The following ZNF469 variants were observed in gnomAD, a reference collection of about 807,000 sequenced individuals.
The protein encoded by ZNF469 is zinc finger protein 469.
In ZNF469, 1 loss-of-function variant was observed where a neutral mutation model predicts 1.0. The ratio of observed to expected loss-of-function variants is 1.00; its 90% confidence interval spans 0.35 to 4.73. The LOEUF (loss-of-function observed/expected upper bound fraction) is 4.73, where lower values mean the gene tolerates loss of function less well. ZNF469 is among the 30% of genes most tolerant of loss of function. The pLI, the probability that ZNF469 is intolerant of heterozygous loss-of-function variation, is 0.16. For missense variants in ZNF469, 6,100 were observed against 5,356.3 expected, an observed-to-expected ratio of 1.14 and a Z score of -4.33; for synonymous variants, 2,703 against 2,363.4, an observed-to-expected ratio of 1.14 and a Z score of -4.17.
intron 1 of ZNF469, among the ~76,000 whole-genome samples, chr16:88,411,136 G>A (rs1905149198): frequency 6.6e-6 from 1 of 152,222 alleles, no homozygotes; most frequent in African/African-American, 2.4e-5. Flanking sequence ...CACATTCGTA[G>A]GTGCTGGGGT....
the ZNF469 span, among the ~76,000 whole-genome samples, chr16:88,356,145 C>T: frequency 4.7e-4 from 72 of 152,260 alleles, no homozygotes; most frequent in African/African-American, 1.4e-3. Context: ...AAATCACACC[C>T]GTACCCTCCA....
At chr16:88,222,828 G>T in the ZNF469 span, among the ~76,000 whole-genome samples, 2 of 151,944 alleles carry the variant, frequency 1.3e-5, no homozygotes, top group African/African-American at 4.8e-5. Flanking sequence ...TGAACTCCTG[G>T]CCTCAAACGA....
the ZNF469 span, among the ~76,000 whole-genome samples, chr16:88,374,735 CTCGGCGCCGTGTGCTGTGGGCTGAGA>C: frequency 6.6e-6 from 1 of 152,126 alleles, no homozygotes; most frequent in Non-Finnish European, 1.5e-5. Flanking sequence ...GTGGGCTGAG[CTCGGCGCCGTGTGCTGTGGGCTGAGA>C]TCGGCGCCGT....
chr16:88,232,840 C>T, the ZNF469 span, among the ~76,000 whole-genome samples: 4 of 152,392 alleles, frequency 2.6e-5, no homozygotes, highest in Admixed American at 2.6e-4. Flanking sequence ...ACATTCGGAG[C>T]TGCTCCTCAG....
the ZNF469 span, among the ~76,000 whole-genome samples, chr16:88,159,857 G>C: frequency 2.0e-5 from 3 of 152,136 alleles, no homozygotes; most frequent in African/African-American, 7.2e-5. Flanking sequence ...GGTCCCTGAG[G>C]GATAAGAGAG....
chr16:88,343,391 C>T, the ZNF469 span, among the ~76,000 whole-genome samples: 1 of 152,220 alleles, frequency 6.6e-6, no homozygotes, highest in African/African-American at 2.4e-5. Flanking sequence ...AAACAATGTA[C>T]ATAGACGCTT....
chr16:88,411,478 AGGCAGGGGTGCGAGCG>A (rs1214196190), intron 1 of ZNF469, among the ~76,000 whole-genome samples: 1 of 4,510 alleles, frequency 2.2e-4, no homozygotes, highest in African/African-American at 3.6e-4. Context: ...GGGTGCAAGC[AGGCAGGGGTGCGAGCG>A]GGCAGGGGTG....
chr16:88,123,632 G>A, the ZNF469 span, among the ~76,000 whole-genome samples: 7 of 152,090 alleles, frequency 4.6e-5, no homozygotes, highest in South Asian at 2.1e-4. Context: ...TATCAGCAGC[G>A]CCAAACCCTT....
the ZNF469 span, among the ~76,000 whole-genome samples, chr16:88,322,958 A>G: frequency 6.6e-6 from 1 of 152,198 alleles, no homozygotes; most frequent in Non-Finnish European, 1.5e-5. Context: ...TGTCTCTCCC[A>G]AGATTGGAGA....
the ZNF469 span, among the ~76,000 whole-genome samples, chr16:88,134,364 C>T: frequency 2.0e-5 from 3 of 152,174 alleles, no homozygotes; most frequent in South Asian, 6.2e-4. Context: ...GTGCTGGAAC[C>T]ATGTGCTGGG....
At chr16:88,341,174 G>A in the ZNF469 span, among the ~76,000 whole-genome samples, 1 of 152,208 alleles carries the variant, frequency 6.6e-6, no homozygotes, top group East Asian at 1.9e-4. Context: ...TCCTGTAAAT[G>A]TGTAGAAGCC....
At chr16:88,421,262 C>T (rs1905448525) in intron 1 of ZNF469, among the ~76,000 whole-genome samples, 2 of 152,206 alleles carry the variant, frequency 1.3e-5, no homozygotes, top group African/African-American at 2.4e-5. Flanking sequence ...GTTACCAGAG[C>T]GCTTGGCCGG....
At chr16:88,236,972 G>C in the ZNF469 span, among the ~76,000 whole-genome samples, 1 of 151,744 alleles carries the variant, frequency 6.6e-6, no homozygotes, top group African/African-American at 2.4e-5. Flanking sequence ...GCAGCTTTAG[G>C]TTTCAGAAAA....
the ZNF469 span, among the ~76,000 whole-genome samples, chr16:88,138,928 C>G: frequency 6.6e-6 from 1 of 152,220 alleles, no homozygotes; most frequent in Non-Finnish European, 1.5e-5. Flanking sequence ...CACCATTCGG[C>G]TGCCTGGAAA....
Position 88,438,112 on chromosome 16 carries a change from C to T in ZNF469, c.10642C>T (p.Gln3548Ter). 6.4e-7 allele frequency: 1 copy of T among 1,550,416 alleles called. No homozygotes were observed. The highest frequency in any genetic ancestry group is 8.7e-7 in the Non-Finnish European group (1 of 1,146,968). The change falls in exon 3 of 3, where the codon CAG becomes TAG. Residue 3548 changes from glutamine to a stop codon, truncating the protein, a stop_gained. Coordinates refer to ENST00000565624, the MANE Select transcript of ZNF469 (RefSeq NM_001367624.2). LOFTEE classifies it low-confidence loss of function (END_TRUNC). ...IRGCELPSNH[Q>*]ECPPPSLSPF... is the part of the protein sequence containing the mutation. ...AGGTTGTGAGCTGCCATCCAACCACCAGGAGTGTCCCCCGCCGTCTCTGTC... is the reference window on the plus strand; with the variant it reads ...AGGTTGTGAGCTGCCATCCAACCACTAGGAGTGTCCCCCGCCGTCTCTGTC...
chr16:88,177,973 A>T, the ZNF469 span: 2 of 152,190 alleles, frequency 1.3e-5, no homozygotes, highest in Admixed American at 6.5e-5. The surrounding 1 kb of genome is among the most constrained non-coding windows in gnomAD (Gnocchi z 4.8). Flanking sequence ...AGTCTCCCAA[A>T]GTGCTGGGAT....
In ZNF469 at chr16:88,438,999, GC is replaced by G. The variant is rs1192814702; in HGVS notation, c.11536del (p.Arg3846GlyfsTer95). On this transcript the variant is annotated frameshift_variant, in exon 3 of 3. Coordinates refer to ENST00000565624, the MANE Select transcript of ZNF469 (RefSeq NM_001367624.2). LOFTEE classifies it low-confidence loss of function (END_TRUNC). The part of the protein sequence containing the change: ...FGRAPSAPDK[P>X]PRTPRKQATP... ...GGAGAGCCCCCTCAGCCCCTGACAA[GC>G]CCCCCCGGACCCCTCGGAAGCAGGC... is the stretch of plus-strand genomic sequence containing the variant. 5 of 1,550,090 alleles carry G rather than the reference GC, an allele frequency of 3.2e-6. No individual in the cohort carries two copies. Among genetic ancestry groups the G allele is most frequent in the African/African-American group, 1.4e-5 (1 of 73,090 alleles).
At chr16:88,201,609 T>C in the ZNF469 span, among the ~76,000 whole-genome samples, 3 of 151,576 alleles carry the variant, frequency 2.0e-5, no homozygotes, top group East Asian at 3.9e-4. The surrounding 1 kb of genome is among the most constrained non-coding windows in gnomAD (Gnocchi z 5.0). Context: ...CCACTCTCAA[T>C]GTGGAGGCTG....
chr16:88,249,552 T>G, the ZNF469 span, among the ~76,000 whole-genome samples: 110 of 146,630 alleles, frequency 7.5e-4, 1 homozygote, highest in African/African-American at 2.7e-3. Context: ...TTCTCCTGCC[T>G]CAGCCTCCAA....
Sources: gnomAD v4.1 joint callset for allele counts (sites outside exome capture counted in the v4.1 genomes callset) on GRCh38, gnomAD v4.1.1 for gene constraint, Gnocchi (gnomAD v3.1) non-coding constraint, MANE v1.5 for transcripts, NCBI Gene and HGNC (gene_info 2026-07-23, HGNC 2026-07-21) for gene names.